MYT1L: variants seen among roughly 807,000 people sequenced by gnomAD.
MYT1L encodes the protein myelin transcription factor 1 like.
A neutral mutation model predicts 126.7 loss-of-function variants in MYT1L; 12 were observed. The observed-to-expected ratio is 0.09, with a 90% confidence interval of 0.06 to 0.15. MYT1L has a LOEUF of 0.15. MYT1L is among the 10% of genes least tolerant of loss of function. The pLI, the probability that MYT1L is intolerant of heterozygous loss-of-function variation, is 1.00. For missense variants in MYT1L, 979 were observed against 1,585.2 expected, an observed-to-expected ratio of 0.62 and a Z score of 6.49; for synonymous variants, 541 against 604.2, an observed-to-expected ratio of 0.90 and a Z score of 1.53.
intron 2 of MYT1L, among the ~76,000 whole-genome samples, chr2:2,261,448 A>G (rs2094964376): frequency 6.6e-6 from 1 of 152,218 alleles, no homozygotes; most frequent in African/African-American, 2.4e-5. Context: ...AACTAAGAAG[A>G]TAATTAACAA....
At chr2:2,143,056 C>T (rs553588621) in intron 3 of MYT1L, among the ~76,000 whole-genome samples, 11 of 150,404 alleles carry the variant, frequency 7.3e-5, no homozygotes, top group South Asian at 2.1e-4. Context: ...TTTGGGAGGC[C>T]GAGGCGGGCA....
chr2:1,838,860 A>G (rs1477591080), intron 21 of MYT1L, among the ~76,000 whole-genome samples: 1 of 152,194 alleles, frequency 6.6e-6, no homozygotes, highest in Non-Finnish European at 1.5e-5. Context: ...TGCATGTCTT[A>G]AATGAAAATC....
chr2:1,870,353 C>T (rs2046125626), intron 18 of MYT1L, among the ~76,000 whole-genome samples: 1 of 152,174 alleles, frequency 6.6e-6, no homozygotes, highest in Non-Finnish European at 1.5e-5. Context: ...CCTTCCTCAG[C>T]TCCCTCCCTG....
At chr2:2,134,590 A>G (rs1315316841) in intron 3 of MYT1L, among the ~76,000 whole-genome samples, 2 of 152,126 alleles carry the variant, frequency 1.3e-5, no homozygotes, top group Non-Finnish European at 2.9e-5. Flanking sequence ...TGCCCTGGTA[A>G]GAAGAGAAAG....
At chr2:2,116,193 A>G (rs1207417426) in intron 3 of MYT1L, among the ~76,000 whole-genome samples, 2 of 152,236 alleles carry the variant, frequency 1.3e-5, no homozygotes, top group Non-Finnish European at 2.9e-5. Flanking sequence ...AGGGACTGGA[A>G]TGCTGCGGAG....
chr2:1,973,398 G>A (rs995484408), intron 8 of MYT1L, among the ~76,000 whole-genome samples: 6 of 151,952 alleles, frequency 3.9e-5, no homozygotes, highest in Admixed American at 6.6e-5. Flanking sequence ...ATTAAATTTC[G>A]TTTCTATAGA....
At chr2:2,070,394 G>T (rs905362890) in intron 3 of MYT1L, among the ~76,000 whole-genome samples, 1 of 152,316 alleles carries the variant, frequency 6.6e-6, no homozygotes, top group Non-Finnish European at 1.5e-5. Context: ...CGCTCAGGGT[G>T]GGGGAAGCCA....
rs1572265375 is a variant in MYT1L at position 1,793,447 on chromosome 2, T to C, written c.3277-983A>G. Among the ~76,000 whole-genome samples, 1 of 152,206 alleles carries C rather than the reference T, an allele frequency of 6.6e-6. No individual in the cohort carries two copies. Among genetic ancestry groups the C allele is most frequent in the South Asian group, 2.1e-4 (1 of 4,830 alleles). On this transcript the variant is annotated intron_variant, in intron 23 of 24. Coordinates refer to ENST00000647738, the MANE Select transcript of MYT1L (RefSeq NM_001303052.2). The surrounding 1 kb of genome is among the most constrained non-coding windows in gnomAD (Gnocchi z 4.6). ...CCGCAGAGTCCAGGGCTGGCTTGCC[T>C]GGCCTGCCCGCTCCTCTCCTTCCCT...
chr2:1,863,978 C>T (rs1253799846), intron 18 of MYT1L, among the ~76,000 whole-genome samples: 1 of 152,082 alleles, frequency 6.6e-6, no homozygotes, highest in Non-Finnish European at 1.5e-5. Context: ...AGCTCAAGGA[C>T]CGCTGGGGTC....
At chr2:1,815,650 C>T (rs190973608) in intron 21 of MYT1L, among the ~76,000 whole-genome samples, 20 of 152,310 alleles carry the variant, frequency 1.3e-4, no homozygotes, top group Middle Eastern at 6.8e-3. Flanking sequence ...GGAGCACCCC[C>T]CTGGGTACAC....
In MYT1L at chr2:1,910,833, T is replaced by C. The variant is rs965945124; in HGVS notation, c.1710-486A>G. Among the ~76,000 whole-genome samples, 3 of 152,154 alleles carry C rather than the reference T, an allele frequency of 2.0e-5. No homozygotes were observed. Among genetic ancestry groups the C allele is most frequent in the Admixed American group, 2.0e-4 (3 of 15,276 alleles). ...GTCTGACTTTAGCCCTTTGGTGTTC[T>C]CCACAAGCAGGGAAATGAAAGTGGA... On this transcript the variant is annotated intron_variant, in intron 12 of 24. Transcript: ENST00000647738. This position sits in a 1 kb window ranked among gnomAD's most constrained non-coding sequence, Gnocchi z 4.8.
intron 3 of MYT1L, among the ~76,000 whole-genome samples, chr2:2,057,979 T>C (rs2069832023): frequency 6.6e-6 from 1 of 152,190 alleles, no homozygotes; most frequent in African/African-American, 2.4e-5. Flanking sequence ...AGCTGGGTCA[T>C]ACAGCAATTA....
At position 1,965,858 on chromosome 2, in the gene MYT1L, G is replaced by A. The variant is rs577890189; in HGVS notation, c.152+13307C>T. Among the ~76,000 whole-genome samples the A allele has an allele frequency of 1.9e-4, 29 of 152,358 alleles. 2 individuals carry two copies. Among genetic ancestry groups the A allele is most frequent in the African/African-American group, 7.0e-4 (29 of 41,590 alleles). On this transcript the variant is annotated intron_variant, in intron 8 of 24. Coordinates refer to ENST00000647738, the MANE Select transcript of MYT1L (RefSeq NM_001303052.2). Reference sequence around the variant, plus strand: ...CTGGGCAGCGGACAAGGGACTCAGGGAAAGGCTTTGCCTGGCATGCAGAGC... The same window carrying A: ...CTGGGCAGCGGACAAGGGACTCAGGAAAAGGCTTTGCCTGGCATGCAGAGC...
At chr2:2,306,245 G>C (rs2095857040) in intron 1 of MYT1L, 1 of 152,178 alleles carries the variant, frequency 6.6e-6, no homozygotes, top group African/African-American at 2.4e-5. Context: ...TGATTGCTGT[G>C]AATAAGCTGC....
chr2:1,873,685 G>A (rs1028421195), intron 18 of MYT1L, among the ~76,000 whole-genome samples: 2 of 152,228 alleles, frequency 1.3e-5, no homozygotes, highest in African/African-American at 2.4e-5. Context: ...GTGCTGGCCT[G>A]CTGGGGAGCG....
At chr2:2,125,742 C>A (rs894088728) in intron 3 of MYT1L, among the ~76,000 whole-genome samples, 1 of 151,652 alleles carries the variant, frequency 6.6e-6, no homozygotes, top group Non-Finnish European at 1.5e-5. Flanking sequence ...TTGCAGAAGA[C>A]CATAGGAAAA....
chr2:1,840,030 G>A (rs926860396), intron 20 of MYT1L, among the ~76,000 whole-genome samples: 1 of 152,208 alleles, frequency 6.6e-6, no homozygotes, highest in Admixed American at 6.5e-5. Flanking sequence ...TGGCCTAAGC[G>A]CTCCTCATGT....
At chr2:1,911,741 G>A (rs1422725395) in intron 12 of MYT1L, among the ~76,000 whole-genome samples, 1 of 152,194 alleles carries the variant, frequency 6.6e-6, no homozygotes, top group Non-Finnish European at 1.5e-5. Context: ...GGAGGACAGC[G>A]AAGGCTTGGT....
At chr2:2,132,914 T>G (rs2082567680) in intron 3 of MYT1L, among the ~76,000 whole-genome samples, 1 of 152,154 alleles carries the variant, frequency 6.6e-6, no homozygotes, top group South Asian at 2.1e-4. Flanking sequence ...AAGTCAGCCT[T>G]AAAAGCAGTC....
Sources: allele counts gnomAD v4.1 joint callset (sites outside exome capture counted in the v4.1 genomes callset), GRCh38; gene constraint gnomAD v4.1.1; non-coding constraint Gnocchi (gnomAD v3.1); transcripts MANE v1.5; gene names NCBI Gene and HGNC (gene_info 2026-07-23, HGNC 2026-07-21).